KCNA6: variants seen among roughly 807,000 people sequenced by gnomAD.
KCNA6 encodes the protein human brain potassium channel-2.
Under a neutral mutation model 29.5 loss-of-function variants are expected in KCNA6, and 17 were observed. That is an observed-to-expected ratio of 0.58 (90% confidence interval 0.39 to 0.86). The LOEUF (loss-of-function observed/expected upper bound fraction) is 0.86, where lower values mean the gene tolerates loss of function less well. Among genes scored for constraint, KCNA6 ranks in the 40% least tolerant of loss-of-function variants. The probability of loss-of-function intolerance (pLI) is 0.00; values close to 1 mark genes in which losing one functional copy is unlikely to be tolerated. For synonymous variants in KCNA6, 296 were observed against 304.7 expected, an observed-to-expected ratio of 0.97 and a Z score of 0.30; for missense variants, 450 against 703.4, an observed-to-expected ratio of 0.64 and a Z score of 4.07.
chr12:4,835,425 C>A, the KCNA6 span, among the ~76,000 whole-genome samples: 80 of 152,314 alleles, frequency 5.3e-4, no homozygotes, highest in Non-Finnish European at 8.8e-5. Flanking sequence ...TGAGCCACCA[C>A]ACCTGGCCAA....
At chr12:4,824,053 G>A in the KCNA6 span, among the ~76,000 whole-genome samples, 3 of 152,154 alleles carry the variant, frequency 2.0e-5, no homozygotes, top group African/African-American at 7.2e-5. Flanking sequence ...TGTGTGACCC[G>A]GGGAGAGTTC....
chr12:4,846,734 C>A, the KCNA6 span, among the ~76,000 whole-genome samples: 1 of 150,288 alleles, frequency 6.7e-6, no homozygotes, highest in South Asian at 2.1e-4. Flanking sequence ...ATGGTCTAGG[C>A]CTGTTGCTTC....
At chr12:4,836,551 T>C in the KCNA6 span, among the ~76,000 whole-genome samples, 1 of 152,130 alleles carries the variant, frequency 6.6e-6, no homozygotes, top group African/African-American at 2.4e-5. Flanking sequence ...GGATGCTGTG[T>C]TCAAGGAGCT....
At position 4,810,011 on chromosome 12, in the gene KCNA6, C is replaced by T. The variant is rs767214469; in HGVS notation, c.-31C>T. The T allele has an allele frequency of 6.7e-7, 1 of 1,499,574 alleles. No homozygotes were observed. Among genetic ancestry groups the T allele is most frequent in the East Asian group, 2.3e-5 (1 of 43,680 alleles). 92.9% of individuals were successfully genotyped at this position (1,499,574 alleles called of 1,614,324 possible). On this transcript the variant is annotated 5_prime_UTR_variant, in exon 1 of 1. Transcript: ENST00000280684. This position sits in a 1 kb window ranked among gnomAD's most constrained non-coding sequence, Gnocchi z 7.5. ...CAGAGATTGTGTCGTGGGCGCCGTC[C>T]TAGTGGCGGGGAGCGCACCTCCGAG...
At chr12:4,850,148 G>A in the KCNA6 span, among the ~76,000 whole-genome samples, 1 of 152,176 alleles carries the variant, frequency 6.6e-6, no homozygotes, top group Non-Finnish European at 1.5e-5. The surrounding 1 kb of genome is among the most constrained non-coding windows in gnomAD (Gnocchi z 5.4). Context: ...GGTTCAGCCG[G>A]GCCTAGAGGG....
the KCNA6 span, among the ~76,000 whole-genome samples, chr12:4,841,207 G>A: frequency 2.6e-5 from 4 of 152,148 alleles, no homozygotes; most frequent in South Asian, 2.1e-4. Context: ...AATCGTGTGC[G>A]TTAGCTGACA....
At chr12:4,819,482 C>T in the KCNA6 span, among the ~76,000 whole-genome samples, 17 of 152,212 alleles carry the variant, frequency 1.1e-4, no homozygotes, top group Admixed American at 9.8e-4. Context: ...CTTAATCTCC[C>T]GTGGCTGTGT....
exon 1 of KCNA6, chr12:4,809,992 T>G: frequency 6.7e-7 from 1 of 1,494,118 alleles, no homozygotes; most frequent in Non-Finnish European, 8.9e-7. Context: ...GCTCCAGAGA[T>G]TGTGTCGTGG....
the KCNA6 span, among the ~76,000 whole-genome samples, chr12:4,824,461 CTACCTTCTTAG>C: frequency 1.3e-5 from 2 of 152,216 alleles, no homozygotes; most frequent in Non-Finnish European, 2.9e-5. Context: ...AAGGGGCTTA[CTACCTTCTTAG>C]AGTGAAACTG....
chr12:4,847,913 C>G, the KCNA6 span, among the ~76,000 whole-genome samples: 2 of 152,044 alleles, frequency 1.3e-5, no homozygotes, highest in African/African-American at 4.8e-5. Flanking sequence ...TTCTTGGAAT[C>G]CTTTGGTTTT....
chr12:4,832,365 C>T, the KCNA6 span, among the ~76,000 whole-genome samples: 23,661 of 152,180 alleles, frequency 0.16, 1,935 homozygotes, highest in Non-Finnish European at 0.17. Context: ...AGCGGCAGTG[C>T]GCCCACTGGG....
chr12:4,831,054 A>G, the KCNA6 span, among the ~76,000 whole-genome samples: 1 of 152,192 alleles, frequency 6.6e-6, no homozygotes, highest in East Asian at 1.9e-4. Flanking sequence ...GCTGACTTTC[A>G]GGAAAGGTAA....
the KCNA6 span, among the ~76,000 whole-genome samples, chr12:4,835,828 C>T: frequency 6.6e-6 from 1 of 152,162 alleles, no homozygotes; most frequent in Non-Finnish European, 1.5e-5. Flanking sequence ...TCATGCTAGG[C>T]CCCCTTCAAA....
At chr12:4,848,626 C>G in the KCNA6 span, among the ~76,000 whole-genome samples, 1 of 152,032 alleles carries the variant, frequency 6.6e-6, no homozygotes, top group Non-Finnish European at 1.5e-5. Context: ...CCTCCGACTT[C>G]CAGGTTCAAA....
chr12:4,848,513 G>GGA, the KCNA6 span, among the ~76,000 whole-genome samples: 31 of 64,806 alleles, frequency 4.8e-4, no homozygotes, highest in South Asian at 0.012. Context: ...TCAGGAGGGA[G>GGA]CAAAAAAAAA....
At chr12:4,821,954 A>T in the KCNA6 span, among the ~76,000 whole-genome samples, 16 of 152,112 alleles carry the variant, frequency 1.1e-4, no homozygotes, top group Non-Finnish European at 1.6e-4. Flanking sequence ...CTCCTGCCTT[A>T]GTCTCCTGAA....
chr12:4,814,390 C>T (rs897290319), downstream of KCNA6: 5 of 167,060 alleles, frequency 3.0e-5, no homozygotes, highest in East Asian at 1.9e-4. The surrounding 1 kb of genome is among the most constrained non-coding windows in gnomAD (Gnocchi z 4.6). Context: ...CCCAGCTCCA[C>T]GAGAGGCGGA....
chr12:4,846,048 G>A, the KCNA6 span, among the ~76,000 whole-genome samples: 2 of 139,942 alleles, frequency 1.4e-5, no homozygotes, highest in African/African-American at 5.4e-5. Flanking sequence ...TGGTACCCAA[G>A]TCTAAACCAA....
At chr12:4,851,107 G>T in the KCNA6 span, 3 of 232,050 alleles carry the variant, frequency 1.3e-5, no homozygotes, top group Non-Finnish European at 2.7e-5. Context: ...ACAAGGCAAA[G>T]TCTCAGAGGC....
Sources: allele counts gnomAD v4.1 joint callset (sites outside exome capture counted in the v4.1 genomes callset), GRCh38; gene constraint gnomAD v4.1.1; non-coding constraint Gnocchi (gnomAD v3.1); transcripts MANE v1.5; gene names NCBI Gene and HGNC (gene_info 2026-07-23, HGNC 2026-07-21).